Variants in PHKB observed in about 807,000 individuals in gnomAD.
PHKB encodes the protein phosphorylase b kinase regulatory subunit beta.
Under a neutral mutation model 152.1 loss-of-function variants are expected in PHKB, and 122 were observed. That is an observed-to-expected ratio of 0.80 (90% CI 0.69 to 0.93). The LOEUF is 0.93. Among genes scored for constraint, PHKB ranks in the 40% least tolerant of loss-of-function variants. The pLI is 0.00. For missense variants in PHKB, 1,304 were observed against 1,328.4 expected, an observed-to-expected ratio of 0.98 and a Z score of 0.29; for synonymous variants, 436 against 464.9, an observed-to-expected ratio of 0.94 and a Z score of 0.80.
chr16:47,663,379 A>G (rs1317631383), intron 23 of PHKB, among the ~76,000 whole-genome samples: 1 of 152,168 alleles, frequency 6.6e-6, no homozygotes, highest in Non-Finnish European at 1.5e-5. Flanking sequence ...TCTGCAGTAA[A>G]TTAGAATAGC....
chr16:47,581,935 C>T (rs972740064), intron 8 of PHKB, among the ~76,000 whole-genome samples: 6 of 152,154 alleles, frequency 3.9e-5, no homozygotes, highest in African/African-American at 1.4e-4. Flanking sequence ...CCATCTCGGC[C>T]TCCCAAAGTG....
chr16:47,612,640 A>G (rs1299695072), intron 14 of PHKB, among the ~76,000 whole-genome samples: 1 of 152,132 alleles, frequency 6.6e-6, no homozygotes, highest in East Asian at 1.9e-4. Flanking sequence ...GCTAAGAGAA[A>G]TGCTCCTCTC....
chr16:47,659,361 T>G (rs533043427), intron 20 of PHKB, among the ~76,000 whole-genome samples: 1 of 152,104 alleles, frequency 6.6e-6, no homozygotes, highest in African/African-American at 2.4e-5. Flanking sequence ...AGTGAGAAAA[T>G]AGAGAAAATA....
At chr16:47,547,176 G>A (rs143393040) in intron 6 of PHKB, among the ~76,000 whole-genome samples, 16 of 152,262 alleles carry the variant, frequency 1.1e-4, no homozygotes, top group Admixed American at 5.2e-4. Context: ...GAAATCACCC[G>A]TCTTCTGTGT....
chr16:47,631,962 A>G (rs1414465850), intron 14 of PHKB, among the ~76,000 whole-genome samples: 2 of 152,210 alleles, frequency 1.3e-5, no homozygotes, highest in Non-Finnish European at 2.9e-5. Context: ...CTATTCCTCA[A>G]GGATCTAGAG....
chr16:47,506,201 G>T lies in PHKB; in HGVS notation c.405+3111G>T, dbSNP rs374952237. Reference sequence around the variant, plus strand: ...ACTCCGCCTCAAAAAAAAAAGAAAAGAAAGAAAAAAAATAATAAAAAGAGT... The same window carrying T: ...ACTCCGCCTCAAAAAAAAAAGAAAATAAAGAAAAAAAATAATAAAAAGAGT... On this transcript the variant is annotated intron_variant, in intron 4 of 30. Coordinates refer to ENST00000323584, the MANE Select transcript of PHKB (RefSeq NM_000293.3). Among the ~76,000 whole-genome samples, 120 of 149,524 alleles carry T rather than the reference G, an allele frequency of 8.0e-4. 1 individual carries two copies. Among genetic ancestry groups the T allele is most frequent in the African/African-American group, 2.7e-3 (110 of 40,768 alleles).
intron 6 of PHKB, among the ~76,000 whole-genome samples, chr16:47,544,346 C>T (rs1456058725): frequency 6.6e-6 from 1 of 152,126 alleles, no homozygotes; most frequent in Non-Finnish European, 1.5e-5. Flanking sequence ...TCGTTATGTA[C>T]CCAGTAGTCA....
intron 1 of PHKB, among the ~76,000 whole-genome samples, chr16:47,496,841 A>T (rs1233841140): frequency 1.3e-5 from 2 of 152,218 alleles, no homozygotes; most frequent in Admixed American, 1.3e-4. Flanking sequence ...TATAGTACAG[A>T]TAATAAGGCA....
chr16:47,507,317 A>T (rs79462753), intron 4 of PHKB, among the ~76,000 whole-genome samples: 2 of 147,924 alleles, frequency 1.4e-5, no homozygotes, highest in African/African-American at 5.0e-5. Flanking sequence ...AAGGATTATC[A>T]TTTTTTTTTT....
At chr16:47,497,236 C>G (rs952894008) in intron 1 of PHKB, among the ~76,000 whole-genome samples, 163 bp from the exon 2 acceptor site, 4 of 152,204 alleles carry the variant, frequency 2.6e-5, no homozygotes, top group African/African-American at 7.2e-5. Flanking sequence ...TTTATTCCCC[C>G]TCTTGTTCCC....
At chr16:47,563,279 C>A (rs1971507290) in intron 7 of PHKB, among the ~76,000 whole-genome samples, 1 of 151,096 alleles carries the variant, frequency 6.6e-6, no homozygotes, top group Admixed American at 6.6e-5. Context: ...TTGCTCAAAT[C>A]CATCAGAGGA....
At chr16:47,651,249 C>T (rs746198974) in intron 20 of PHKB, among the ~76,000 whole-genome samples, 21 of 152,306 alleles carry the variant, frequency 1.4e-4, no homozygotes, top group Non-Finnish European at 2.8e-4. Flanking sequence ...TTTCTGTGCT[C>T]TATACTAACA....
chr16:47,592,749 G>T (rs572586099), intron 10 of PHKB, among the ~76,000 whole-genome samples: 1 of 152,262 alleles, frequency 6.6e-6, no homozygotes, highest in African/African-American at 2.4e-5. Context: ...TGTCTAGTTG[G>T]TTCCAGGCAT....
At chr16:47,638,227 G>A (rs1972956518) in intron 14 of PHKB, among the ~76,000 whole-genome samples, 2 of 152,148 alleles carry the variant, frequency 1.3e-5, no homozygotes, top group Admixed American at 6.5e-5. Flanking sequence ...TAAAAAAATA[G>A]GATGACAGAT....
intron 13 of PHKB, chr16:47,597,845 A>G (rs1972150235): frequency 6.6e-6 from 1 of 151,744 alleles, no homozygotes; most frequent in South Asian, 2.1e-4. Context: ...TAAGAAAATT[A>G]AAGGCCACGG....
chr16:47,503,729 T>C (rs913513551), intron 4 of PHKB, among the ~76,000 whole-genome samples: 1 of 152,020 alleles, frequency 6.6e-6, no homozygotes, highest in Non-Finnish European at 1.5e-5. Flanking sequence ...CTCGGGAGGC[T>C]GAGGCAGGAG....
chr16:47,623,207 C>T (rs1212183387), intron 14 of PHKB, among the ~76,000 whole-genome samples: 2 of 151,976 alleles, frequency 1.3e-5, no homozygotes, highest in Non-Finnish European at 2.9e-5. Context: ...ATGTCTGACA[C>T]ATTATGCAAG....
chr16:47,566,850 G>T, intron 7 of PHKB: 1 of 714,860 alleles, frequency 1.4e-6, no homozygotes, highest in Non-Finnish European at 2.6e-6. Flanking sequence ...GTCTGTTAGG[G>T]AGAGAGTCTT....
chr16:47,530,381 G>T (rs1597059382), intron 6 of PHKB, among the ~76,000 whole-genome samples: 1 of 151,888 alleles, frequency 6.6e-6, no homozygotes. Flanking sequence ...TGAACTCCTG[G>T]CCTCAAGTGA....
Sources: allele counts gnomAD v4.1 joint callset (sites outside exome capture counted in the v4.1 genomes callset), GRCh38; gene constraint gnomAD v4.1.1; transcripts MANE v1.5; gene names NCBI Gene and HGNC (gene_info 2026-07-23, HGNC 2026-07-21).